Variants in DOCK2 observed in about 807,000 individuals in gnomAD.
The protein encoded by DOCK2 is dedicator of cytokinesis 2.
Under a neutral mutation model 248.9 loss-of-function variants are expected in DOCK2, and 87 were observed. The observed-to-expected ratio is 0.35, with a 90% CI of 0.29 to 0.42. DOCK2 has a LOEUF of 0.42. Ranked by LOEUF, DOCK2 falls within the 10% of genes least tolerant of loss-of-function variation. The probability of loss-of-function intolerance (pLI) is 1.00; values close to 1 mark genes in which losing one functional copy is unlikely to be tolerated. For synonymous variants in DOCK2, 805 were observed against 821.6 expected, an observed-to-expected ratio of 0.98 and a Z score of 0.35; for missense variants, 1,747 against 2,300.2, an observed-to-expected ratio of 0.76 and a Z score of 4.92.
intron 33 of DOCK2, among the ~76,000 whole-genome samples, chr5:170,027,566 G>A (rs890923877): frequency 6.6e-6 from 1 of 152,126 alleles, no homozygotes; most frequent in African/African-American, 2.4e-5. Context: ...CAAATAACAT[G>A]AGTTGTGAAA....
At chr5:169,771,574 C>T (rs555258740) in intron 25 of DOCK2, among the ~76,000 whole-genome samples, 1 of 152,300 alleles carries the variant, frequency 6.6e-6, no homozygotes, top group East Asian at 1.9e-4. Context: ...AGCCACCGCA[C>T]CCGGCCTTTT....
chr5:169,895,103 C>A (rs1164312091), intron 27 of DOCK2, among the ~76,000 whole-genome samples: 1 of 152,290 alleles, frequency 6.6e-6, no homozygotes, highest in East Asian at 1.9e-4. Context: ...GAAGCCCCAT[C>A]CACCTCCCAT....
chr5:170,062,328 C>T (rs1757362359), intron 44 of DOCK2, among the ~76,000 whole-genome samples: 2 of 152,206 alleles, frequency 1.3e-5, no homozygotes, highest in South Asian at 4.2e-4. Flanking sequence ...GGGTCTCCCT[C>T]CACCCCCAAA....
At chr5:169,825,967 C>A (rs991446483) in intron 26 of DOCK2, among the ~76,000 whole-genome samples, 1 of 152,048 alleles carries the variant, frequency 6.6e-6, no homozygotes, top group East Asian at 1.9e-4. Context: ...AAGTTGCCAG[C>A]GTCTTTGTTT....
intron 32 of DOCK2, among the ~76,000 whole-genome samples, chr5:170,009,834 C>T (rs571469902): frequency 6.6e-6 from 1 of 152,294 alleles, no homozygotes; most frequent in Admixed American, 6.5e-5. Flanking sequence ...TCTGTGGTTG[C>T]TGATAGCATC....
chr5:169,725,467 T>A (rs1051242751), intron 22 of DOCK2, among the ~76,000 whole-genome samples: 7 of 151,658 alleles, frequency 4.6e-5, no homozygotes. Context: ...TGCATATGCA[T>A]GAGCTGTTTT....
intron 26 of DOCK2, among the ~76,000 whole-genome samples, chr5:169,838,174 T>C (rs910994592): frequency 1.3e-5 from 2 of 152,162 alleles, no homozygotes; most frequent in African/African-American, 4.8e-5. Flanking sequence ...TCTATCCATC[T>C]TGACAGATGG....
intron 27 of DOCK2, among the ~76,000 whole-genome samples, chr5:169,961,745 A>G (rs1224000456): frequency 6.6e-6 from 1 of 152,112 alleles, no homozygotes. Flanking sequence ...TGGGAGGCCG[A>G]GGTGGGCAGA....
At chr5:169,687,809 T>A (rs1392817872) in intron 8 of DOCK2, among the ~76,000 whole-genome samples, 1 of 152,210 alleles carries the variant, frequency 6.6e-6, no homozygotes, top group Non-Finnish European at 1.5e-5. Context: ...AACCCTCCAA[T>A]GGGTTTCCAT....
intron 25 of DOCK2, among the ~76,000 whole-genome samples, chr5:169,789,705 C>T (rs1766208125): frequency 6.6e-6 from 1 of 152,160 alleles, no homozygotes; most frequent in Non-Finnish European, 1.5e-5. Flanking sequence ...TGCTTTGGGC[C>T]TTTTAGGGAA....
rs564143945 is a variant in DOCK2 at position 169,681,574 on chromosome 5, C to T, written c.471-170C>T. Among the ~76,000 whole-genome samples the T allele has an allele frequency of 4.6e-5, 7 of 152,258 alleles. No homozygotes were observed. The South Asian group carries it at 6.2e-4, about 14-fold the overall frequency. On this transcript the variant is annotated intron_variant, in intron 6 of 51. Transcript: ENST00000520908. The stretch of plus-strand genomic sequence containing the variant: ...TACTACAGTACCTTCTAAAGGGGGT[C>T]TACTATACCAATATGTGCTCACTAG...
At chr5:169,777,750 G>A (rs17559604) in intron 25 of DOCK2, among the ~76,000 whole-genome samples, 4,692 of 152,268 alleles carry the variant, frequency 0.031, 98 homozygotes, top group Middle Eastern at 0.071. Flanking sequence ...GATGTTGCCG[G>A]TGAGAGGCAT....
chr5:169,807,859 A>AAAAAAAAC (rs1561717077), intron 26 of DOCK2, among the ~76,000 whole-genome samples: 3 of 149,204 alleles, frequency 2.0e-5, no homozygotes, highest in Admixed American at 6.7e-5. Flanking sequence ...AAAAAAAAAA[A>AAAAAAAAC]TCTAGCATCT....
Position 169,985,942 on chromosome 5 carries a change from C to T in DOCK2, c.2993+20C>T, listed in dbSNP as rs770357493. On this transcript the variant is annotated intron_variant, in intron 29 of 51. Transcript: ENST00000520908. ...AAACAGGTGAGCTGCTACCTGCTTC[C>T]GCAAAGCTACCTTACCCAGCCCTCA... 152 of 1,595,566 alleles carry T rather than the reference C, an allele frequency of 9.5e-5. No individual in the cohort carries two copies. Among genetic ancestry groups the T allele is most frequent in the Non-Finnish European group, 1.2e-4 (142 of 1,168,812 alleles).
intron 27 of DOCK2, among the ~76,000 whole-genome samples, chr5:169,957,254 C>G (rs2113737030): frequency 6.6e-6 from 1 of 152,312 alleles, no homozygotes; most frequent in Non-Finnish European, 1.5e-5. Flanking sequence ...GACTTTCTGG[C>G]CTTTAGCCAG....
chr5:169,684,575 A>G (rs1759847605), intron 8 of DOCK2, among the ~76,000 whole-genome samples: 1 of 152,248 alleles, frequency 6.6e-6, no homozygotes, highest in Non-Finnish European at 1.5e-5. Flanking sequence ...GGTTTTGTAA[A>G]ATAGATTTTG....
chr5:169,747,257 T>G lies in DOCK2; in HGVS notation c.2268-139T>G, dbSNP rs947697224. On this transcript the variant is annotated intron_variant, in intron 22 of 51. Transcript: ENST00000520908. The stretch of plus-strand genomic sequence containing the variant: ...TTGAGAGAATGATGCACGCAGCATC[T>G]GCAGAATCCTCTCCTCCTTGAAGTC... 1.2e-5 allele frequency: 8 copies of G among 666,612 alleles called. No individual in the cohort carries two copies. In the African/African-American group the frequency reaches 1.5e-4, roughly 12 times the overall value. The allele number at this position is 666,612 out of a possible 1,614,324, so 41.3% of individuals were successfully genotyped here.
chr5:169,669,555 C>A (rs145672553), intron 3 of DOCK2, among the ~76,000 whole-genome samples: 1 of 152,156 alleles, frequency 6.6e-6, no homozygotes, highest in Non-Finnish European at 1.5e-5. Context: ...CTCCCTGCAA[C>A]TTTTCCTGAT....
chr5:169,788,189 ATCTC>A (rs753088099), intron 25 of DOCK2, among the ~76,000 whole-genome samples: 9 of 152,014 alleles, frequency 5.9e-5, no homozygotes, highest in Non-Finnish European at 1.2e-4. Flanking sequence ...ATCTGGTCAC[ATCTC>A]TCTCTTTATC....
Sources: gnomAD v4.1 joint callset for allele counts (sites outside exome capture counted in the v4.1 genomes callset) on GRCh38, gnomAD v4.1.1 for gene constraint, MANE v1.5 for transcripts, NCBI Gene and HGNC (gene_info 2026-07-23, HGNC 2026-07-21) for gene names.